Variants in NUP133 observed in about 807,000 individuals in gnomAD.
NUP133 encodes nuclear pore complex protein Nup133.
NUP133 carries 66 observed loss-of-function variants against 146.2 expected under a neutral mutation model. The observed-to-expected ratio is 0.45, with a 90% CI of 0.37 to 0.55. The LOEUF is 0.55. NUP133 is among the 20% of genes least tolerant of loss of function. The pLI, the probability that NUP133 is intolerant of heterozygous loss-of-function variation, is 0.00. For synonymous variants in NUP133, 521 were observed against 498.8 expected (o/e 1.04, Z -0.59); for missense variants, 1,277 against 1,374.8 (o/e 0.93, Z 1.12).
In NUP133 at chr1:229,508,216, C is replaced by T. The variant is rs1251232570; in HGVS notation, c.34G>A (p.Gly12Ser). The change falls in exon 1 of 26, where the codon GGT becomes AGT. Residue 12 changes from glycine to serine, a missense_variant. Gly to Ser is a moderately conservative substitution (Grantham distance 56). Around this residue, in one of 3 missense-constraint regions of NUP133, gnomAD observed 319 missense variants for 306.9 expected, o/e 1.04. Transcript: ENST00000261396. ...AGCGGGCCCCTTCGGGACCCGGTACCCGGGGTCCGCGGAGAAGGGGCGGCT... is the reference window on the plus strand; with the variant it reads ...AGCGGGCCCCTTCGGGACCCGGTACTCGGGGTCCGCGGAGAAGGGGCGGCT... ...FPAAPSPRTP[G>S]TGSRRGPLAG... The T allele has an allele frequency of 4.5e-6, 7 of 1,550,336 alleles. No homozygotes were observed. The Admixed American group carries it at 1.1e-4, about 23-fold the overall frequency.
intron 12 of NUP133, among the ~76,000 whole-genome samples, chr1:229,478,918 A>C (rs1187287342): frequency 6.6e-6 from 1 of 152,140 alleles, no homozygotes; most frequent in African/African-American, 2.4e-5. Context: ...TCCAGTTAGG[A>C]GGTTACTGCA....
intron 22 of NUP133, among the ~76,000 whole-genome samples, chr1:229,451,932 T>A (rs1353232375): frequency 1.3e-5 from 2 of 152,218 alleles, no homozygotes; most frequent in Non-Finnish European, 2.9e-5. Context: ...CAGGAGAGGC[T>A]GTTGTAAATT....
Position 229,487,528 on chromosome 1 carries a change from A to G in NUP133, c.1280T>C (p.Val427Ala). 1 of 1,613,970 alleles carries G rather than the reference A, an allele frequency of 6.2e-7. No individual in the cohort carries two copies. The highest frequency in any genetic ancestry group is 2.2e-5 in the East Asian group (1 of 44,868). ...AAATTTCCCAGTTCCTGTGGAGCACACATAGACAGCACTTTCGTTATACAG... is the reference window on the plus strand; with the variant it reads ...AAATTTCCCAGTTCCTGTGGAGCACGCATAGACAGCACTTTCGTTATACAG... ...AYLYNESAVY[V>A]CSTGTGKFSL... Residue 427 changes from valine (V) to alanine (A), a missense_variant, in exon 10 of 26, where the codon GTG (valine) becomes GCG (alanine). Val to Ala is a moderately conservative substitution (Grantham distance 64). Around this residue, in one of 3 missense-constraint regions of NUP133, gnomAD observed 952 missense variants for 1,047.0 expected, o/e 0.91. Transcript: ENST00000261396.
chr1:229,493,585 A>C (rs1244139170), intron 8 of NUP133, among the ~76,000 whole-genome samples: 2 of 152,238 alleles, frequency 1.3e-5, no homozygotes. Flanking sequence ...AAAATAAATA[A>C]ACGGACCCAT....
Position 229,500,989 on chromosome 1 carries a change from T to C in NUP133, c.406-126A>G, listed in dbSNP as rs1430475162. 5.1e-6 allele frequency: 3 copies of C among 584,368 alleles called. No individual in the cohort carries two copies. In the African/African-American group the frequency reaches 5.6e-5, roughly 11 times the overall value. 36.2% of individuals were successfully genotyped at this position (584,368 alleles called of 1,614,324 possible). ...GCTGGAAACACCATTCTACAAATATTCTTTCTTCTCACATCTCCTTTTAAT... is the reference window on the plus strand; with the variant it reads ...GCTGGAAACACCATTCTACAAATATCCTTTCTTCTCACATCTCCTTTTAAT... On this transcript the variant is annotated intron_variant, in intron 3 of 25. Transcript: ENST00000261396.
Position 229,470,022 on chromosome 1 carries a change from GC to G in NUP133, c.2076+557del, listed in dbSNP as rs567994604. Among the ~76,000 whole-genome samples, 391 of 152,168 alleles carry G rather than the reference GC, an allele frequency of 2.6e-3. 2 individuals carry two copies. Among genetic ancestry groups the G allele is most frequent in the Non-Finnish European group, 3.9e-3 (268 of 67,988 alleles). ...GCCTGGCAACAGAGCAAGACTTAGT[GC>G]CCCCTGCCCCCAGAAAAAAGAGTAG... is the stretch of plus-strand genomic sequence containing the variant. On this transcript the variant is annotated intron_variant, in intron 15 of 25. Coordinates refer to ENST00000261396, the MANE Select transcript of NUP133 (RefSeq NM_018230.3).
rs535481212 is a variant in NUP133 at position 229,465,415 on chromosome 1, A to G, written c.2299+5T>C. The stretch of plus-strand genomic sequence containing the variant: ...TGAACAACTGTTAATAAATCAGTAT[A>G]TTACCCGTCCATGGAACATATTCAG... On this transcript the variant is annotated splice_donor_5th_base_variant and intron_variant, in intron 17 of 25. Coordinates refer to ENST00000261396, the MANE Select transcript of NUP133 (RefSeq NM_018230.3). 12 of 1,577,606 alleles carry G rather than the reference A, an allele frequency of 7.6e-6. No individual in the cohort carries two copies. The East Asian group carries it at 1.8e-4, about 24-fold the overall frequency.
chr1:229,457,366 A>T (rs1027846961), intron 21 of NUP133, among the ~76,000 whole-genome samples: 18 of 152,204 alleles, frequency 1.2e-4, no homozygotes, highest in African/African-American at 3.9e-4. Flanking sequence ...CCTTGGTTCT[A>T]AAAAATAATA....
chr1:229,450,153 C>T (rs1263770882), intron 23 of NUP133, among the ~76,000 whole-genome samples: 1 of 151,750 alleles, frequency 6.6e-6, no homozygotes, highest in Non-Finnish European at 1.5e-5. Flanking sequence ...GCCTCGGCCT[C>T]CCAAAGTGCT....
At chr1:229,500,722 A>G in intron 4 of NUP133, 34 bp downstream of exon 4, 2 of 1,333,248 alleles carry the variant, frequency 1.5e-6, no homozygotes, top group Non-Finnish European at 1.1e-6. Context: ...CTTGTTGTAA[A>G]AAGTTTATTT....
chr1:229,453,296 A>G (rs953390506), intron 21 of NUP133, among the ~76,000 whole-genome samples: 3 of 152,190 alleles, frequency 2.0e-5, no homozygotes, highest in African/African-American at 4.8e-5. Context: ...AGACTAATTT[A>G]TATTGAAATG....
chr1:229,473,587 T>C (rs1433587130), intron 14 of NUP133, among the ~76,000 whole-genome samples: 1 of 152,150 alleles, frequency 6.6e-6, no homozygotes, highest in African/African-American at 2.4e-5. Flanking sequence ...CCAGTATGCA[T>C]ATCCTCTTCC....
intron 9 of NUP133, among the ~76,000 whole-genome samples, chr1:229,488,538 T>C (rs1225170864): frequency 6.6e-6 from 1 of 152,190 alleles, no homozygotes; most frequent in Non-Finnish European, 1.5e-5. Flanking sequence ...CTGGCTGAAA[T>C]TTTTTCTAAC....
chr1:229,469,090 GAGGA>G (rs1422631800), intron 15 of NUP133, among the ~76,000 whole-genome samples: 1 of 152,172 alleles, frequency 6.6e-6, no homozygotes, highest in Non-Finnish European at 1.5e-5. Context: ...TAGGCTATAG[GAGGA>G]AGGAAGCAAA....
chr1:229,466,752 G>C lies in NUP133; in HGVS notation c.2081C>G (p.Ser694Cys). 2 of 1,613,942 alleles carry C rather than the reference G, an allele frequency of 1.2e-6. No homozygotes were observed. The highest frequency in any genetic ancestry group is 1.7e-6 in the Non-Finnish European group (2 of 1,179,924). ...TPADVFFREV[S>C]QVDTICECLL... ...GCACTCACAGATGGTATCTACTTGG[G>C]ATACCTGAGAGAATACACAGAAGTA... The change falls in exon 16 of 26, where the codon TCC becomes TGC. Residue 694 changes from serine (S) to cysteine (C), a missense_variant. By Grantham distance (112) the Ser-to-Cys change is moderately radical. Transcript: ENST00000261396.
chr1:229,449,593 ACTT>A (rs1660396523), intron 23 of NUP133, among the ~76,000 whole-genome samples: 2 of 151,468 alleles, frequency 1.3e-5, no homozygotes, highest in South Asian at 4.2e-4. Context: ...CTGGTCTCGA[ACTT>A]CTGACCTCAG....
intron 21 of NUP133, among the ~76,000 whole-genome samples, chr1:229,454,224 TC>T (rs1436226255): frequency 3.3e-5 from 5 of 152,166 alleles, no homozygotes; most frequent in Admixed American, 3.3e-4. Flanking sequence ...CCATAAACTC[TC>T]CAGGTTGCAG....
intron 14 of NUP133, among the ~76,000 whole-genome samples, chr1:229,472,707 C>CATACATATATATATATATAT (rs58951309): frequency 1.6e-5 from 2 of 124,270 alleles, no homozygotes; most frequent in Admixed American, 7.9e-5. Context: ...ACTAAATATA[C>CATACATATATATATATATAT]ATATATATAT....
At chr1:229,496,189 C>G in intron 6 of NUP133, 142 bp from the exon 7 acceptor site, 1 of 684,274 alleles carries the variant, frequency 1.5e-6, no homozygotes, top group Non-Finnish European at 2.2e-6. Context: ...AGTAGTGATC[C>G]TGGGCCGGGT....
Sources: allele counts gnomAD v4.1 joint callset (sites outside exome capture counted in the v4.1 genomes callset), GRCh38; gene constraint gnomAD v4.1.1; regional missense constraint gnomAD v4.1.1; transcripts MANE v1.5; gene names NCBI Gene and HGNC (gene_info 2026-07-23, HGNC 2026-07-21).